MRPL45: variants seen among roughly 807,000 people sequenced by gnomAD.
MRPL45 encodes large ribosomal subunit protein mL45.
A neutral mutation model predicts 38.1 loss-of-function variants in MRPL45; 20 were observed. That is an observed-to-expected ratio of 0.53 (90% CI 0.37 to 0.76). The LOEUF is 0.76. MRPL45 is among the 30% of genes least tolerant of loss of function. The pLI is 0.00. For missense variants in MRPL45, 337 were observed against 395.6 expected, an observed-to-expected ratio of 0.85 and a Z score of 1.26; for synonymous variants, 105 against 128.8, an observed-to-expected ratio of 0.82 and a Z score of 1.25.
intron 4 of MRPL45, among the ~76,000 whole-genome samples, chr17:38,316,821 C>T (rs113255809): frequency 0.014 from 2,040 of 145,824 alleles, 44 homozygotes; most frequent in African/African-American, 0.047. Flanking sequence ...TTTTTTGAGA[C>T]GGAGTCTTGC....
intron 3 of MRPL45, among the ~76,000 whole-genome samples, chr17:38,303,775 G>A (rs2037024373): frequency 6.6e-6 from 1 of 151,692 alleles, no homozygotes; most frequent in African/African-American, 2.4e-5. Flanking sequence ...TGCCCAGGCT[G>A]GAGTGCAGTG....
intron 4 of MRPL45, among the ~76,000 whole-genome samples, chr17:38,315,735 T>G (rs571935829): frequency 2.2e-3 from 340 of 151,826 alleles, no homozygotes; most frequent in Non-Finnish European, 2.8e-3. Context: ...AGCCATTATT[T>G]CTTTTTCTTT....
chr17:38,306,634 A>G lies in MRPL45; in HGVS notation c.461+3A>G. The G allele has an allele frequency of 1.1e-5, 17 of 1,613,528 alleles. No individual in the cohort carries two copies. The highest frequency in any genetic ancestry group is 1.4e-5 in the Non-Finnish European group (17 of 1,179,832). The stretch of plus-strand genomic sequence containing the variant: ...GAAGCTCACCTTTGTCTAAATAAGT[A>G]AGTGAACTCCCTATCTTTACCCATT... On this transcript the variant is annotated splice_donor_region_variant and intron_variant, in intron 4 of 7. Coordinates refer to ENST00000613675, the MANE Select transcript of MRPL45 (RefSeq NM_032351.6).
At chr17:38,297,587 T>C (rs912454983) in intron 1 of MRPL45, among the ~76,000 whole-genome samples, 2 of 151,904 alleles carry the variant, frequency 1.3e-5, no homozygotes, top group African/African-American at 4.8e-5. Context: ...CGTTGAAGAG[T>C]AGCCGAAAAT....
At chr17:38,301,173 C>G (rs1349970586) in intron 3 of MRPL45, among the ~76,000 whole-genome samples, 3 of 152,140 alleles carry the variant, frequency 2.0e-5, no homozygotes, top group Non-Finnish European at 4.4e-5. Flanking sequence ...CTTGCCAGTA[C>G]TGTACCATTC....
At chr17:38,319,211 A>G (rs2037207026) in intron 5 of MRPL45, among the ~76,000 whole-genome samples, 1 of 151,488 alleles carries the variant, frequency 6.6e-6, no homozygotes, top group African/African-American at 2.4e-5. Context: ...AATTTTTTGT[A>G]TTTTTAGTAG....
intron 6 of MRPL45, among the ~76,000 whole-genome samples, chr17:38,321,684 G>A (rs900522985): frequency 6.8e-6 from 1 of 146,084 alleles, no homozygotes; most frequent in African/African-American, 2.5e-5. Context: ...GCAAGACTCC[G>A]TCTCCAAAAA....
At chr17:38,320,300 G>A (rs536756165) in intron 5 of MRPL45, among the ~76,000 whole-genome samples, 53 of 152,244 alleles carry the variant, frequency 3.5e-4, no homozygotes, top group African/African-American at 1.3e-3. Flanking sequence ...CATTATGAAA[G>A]TGTATGGGAG....
intron 4 of MRPL45, among the ~76,000 whole-genome samples, chr17:38,312,021 C>G (rs918678883): frequency 6.6e-6 from 1 of 151,060 alleles, no homozygotes. Context: ...TAGCATGTGT[C>G]TCCTTAATTT....
chr17:38,322,339 C>T, intron 7 of MRPL45, 40 bp downstream of exon 7: 1 of 1,572,630 alleles, frequency 6.4e-7, no homozygotes, highest in Non-Finnish European at 8.7e-7. Flanking sequence ...TGAGGCACTA[C>T]TCGTGGTCTC....
At position 38,298,525 on chromosome 17, in the gene MRPL45, C is replaced by A. The variant is rs1312786178; in HGVS notation, c.143C>A (p.Pro48His). The change falls in exon 2 of 8, where the codon CCT (proline) becomes CAT (histidine). Residue 48 changes from proline (P) to histidine (H), a missense_variant. Physicochemically the swap from Pro to His is moderately conservative, Grantham distance 77. Coordinates refer to ENST00000613675, the MANE Select transcript of MRPL45 (RefSeq NM_032351.6). ...KKRFTPPIYQ[P>H]KFKTEKEFMQ... ...CGTTTCACACCTCCTATTTATCAACCTAAATTTAAAACAGAAAAGGAGTTT... is the reference window on the plus strand; with the variant it reads ...CGTTTCACACCTCCTATTTATCAACATAAATTTAAAACAGAAAAGGAGTTT... The A allele has an allele frequency of 2.5e-6, 4 of 1,613,876 alleles. No homozygotes were observed. Among genetic ancestry groups the A allele is most frequent in the Non-Finnish European group, 3.4e-6 (4 of 1,179,864 alleles).
intron 4 of MRPL45, among the ~76,000 whole-genome samples, chr17:38,311,668 G>C (rs532972384): frequency 7.4e-6 from 1 of 134,670 alleles, no homozygotes; most frequent in African/African-American, 2.8e-5. Context: ...CCTGGCGACA[G>C]AGCGAGACTC....
chr17:38,302,668 A>C (rs1470910829), intron 3 of MRPL45, among the ~76,000 whole-genome samples: 2 of 151,874 alleles, frequency 1.3e-5, no homozygotes, highest in Non-Finnish European at 2.9e-5. Flanking sequence ...TGAGATGATC[A>C]TGTGATACTT....
chr17:38,298,110 G>T (rs1235102638), intron 1 of MRPL45, among the ~76,000 whole-genome samples: 4 of 152,056 alleles, frequency 2.6e-5, no homozygotes, highest in Admixed American at 2.0e-4. Context: ...ATAGTATTCT[G>T]CCCATTTCAG....
intron 4 of MRPL45, among the ~76,000 whole-genome samples, chr17:38,312,273 T>A (rs1284291080): frequency 6.6e-6 from 1 of 152,098 alleles, no homozygotes; most frequent in Non-Finnish European, 1.5e-5. Flanking sequence ...CTCGAACTCC[T>A]GACCTCAGGT....
intron 3 of MRPL45, among the ~76,000 whole-genome samples, chr17:38,304,693 G>C (rs2037033159): frequency 6.6e-6 from 1 of 151,988 alleles, no homozygotes; most frequent in Non-Finnish European, 1.5e-5. Flanking sequence ...ACGGGCGCCT[G>C]CCACCACGCC....
At chr17:38,302,715 ATTTTC>A (rs1367099048) in intron 3 of MRPL45, among the ~76,000 whole-genome samples, 7 of 150,912 alleles carry the variant, frequency 4.6e-5, no homozygotes, top group Non-Finnish European at 8.9e-5. Flanking sequence ...ATATTAATTG[ATTTTC>A]TTTTCTTTTC....
At chr17:38,321,217 C>T (rs1384117767) in intron 6 of MRPL45, among the ~76,000 whole-genome samples, 1 of 152,200 alleles carries the variant, frequency 6.6e-6, no homozygotes, top group Non-Finnish European at 1.5e-5. Context: ...TCAAGTGATC[C>T]ACCCACCTCA....
At chr17:38,302,401 C>T (rs1190466608) in intron 3 of MRPL45, among the ~76,000 whole-genome samples, 4 of 138,106 alleles carry the variant, frequency 2.9e-5, no homozygotes, top group South Asian at 2.5e-4. Flanking sequence ...GCAGGAGAAT[C>T]GGTTGAACCC....
Sources: allele counts gnomAD v4.1 joint callset (sites outside exome capture counted in the v4.1 genomes callset), GRCh38; gene constraint gnomAD v4.1.1; transcripts MANE v1.5; gene names NCBI Gene and HGNC (gene_info 2026-07-23, HGNC 2026-07-21).